AP3B1: variants seen among roughly 807,000 people sequenced by gnomAD.
The protein encoded by AP3B1 is AP-3 complex subunit beta-1.
A neutral mutation model predicts 132.5 loss-of-function variants in AP3B1; 61 were observed. That is an observed-to-expected ratio of 0.46 (90% CI 0.37 to 0.57). AP3B1 has a LOEUF of 0.57. Among genes scored for constraint, AP3B1 ranks in the 20% least tolerant of loss-of-function variants. AP3B1 has a pLI of 0.00. For missense variants in AP3B1, 1,120 were observed against 1,289.4 expected, an observed-to-expected ratio of 0.87 and a Z score of 2.01; for synonymous variants, 388 against 438.3, an observed-to-expected ratio of 0.89 and a Z score of 1.43.
At chr5:78,181,099 C>A (rs1340385566) in intron 8 of AP3B1, among the ~76,000 whole-genome samples, 2 of 151,982 alleles carry the variant, frequency 1.3e-5, no homozygotes, top group Non-Finnish European at 2.9e-5. Flanking sequence ...TACCCCCAAT[C>A]ACAATGGAAT....
At chr5:78,043,942 T>C (rs1748207379) in intron 22 of AP3B1, 1 of 324,368 alleles carries the variant, frequency 3.1e-6, no homozygotes, top group Non-Finnish European at 6.1e-6. Context: ...CTCTTTACCA[T>C]TGTCCAACTT....
At chr5:78,093,857 C>G (rs1311136111) in intron 21 of AP3B1, among the ~76,000 whole-genome samples, 1 of 152,194 alleles carries the variant, frequency 6.6e-6, no homozygotes, top group Admixed American at 6.5e-5. Flanking sequence ...GACAAAGCAG[C>G]TAAAGCATGG....
intron 3 of AP3B1, among the ~76,000 whole-genome samples, chr5:78,232,340 G>C (rs1746681332): frequency 6.6e-6 from 1 of 152,304 alleles, no homozygotes; most frequent in Admixed American, 6.5e-5. Context: ...GAATGAACAA[G>C]TTTTCTTGCT....
intron 19 of AP3B1, among the ~76,000 whole-genome samples, chr5:78,110,614 AAGTACTACC>A (rs1231673237): frequency 6.6e-6 from 1 of 152,090 alleles, no homozygotes; most frequent in African/African-American, 2.4e-5. Flanking sequence ...ACCAAGAATT[AAGTACTACC>A]AGTAACAACG....
At chr5:78,178,564 T>G (rs1744245101) in intron 8 of AP3B1, among the ~76,000 whole-genome samples, 1 of 152,112 alleles carries the variant, frequency 6.6e-6, no homozygotes, top group Non-Finnish European at 1.5e-5. Flanking sequence ...GAGGTTGCAG[T>G]GAGCCGAGAT....
At chr5:78,178,488 G>A (rs1331478107) in intron 8 of AP3B1, among the ~76,000 whole-genome samples, 1 of 152,098 alleles carries the variant, frequency 6.6e-6, no homozygotes, top group Non-Finnish European at 1.5e-5. Flanking sequence ...TAAGCGTGGT[G>A]GTGCACACCT....
rs188437870 is a variant in AP3B1, at chr5:78,146,468, C to T, written c.1474-5149G>A. Among the ~76,000 whole-genome samples the T allele has an allele frequency of 1.0e-3, 155 of 152,262 alleles. 1 individual carries two copies. Among genetic ancestry groups the T allele is most frequent in the Middle Eastern group, 3.4e-3 (1 of 294 alleles). ...CAAATGTGTGCTGTAGAATTCCATA[C>T]AGCTTTCTTGTATTTTAATTTCTTT... On this transcript the variant is annotated intron_variant, in intron 14 of 26. Coordinates refer to ENST00000255194, the MANE Select transcript of AP3B1 (RefSeq NM_003664.5).
In AP3B1 at chr5:78,003,048, C is replaced by T; in HGVS notation, c.3139G>A (p.Ala1047Thr). The T allele has an allele frequency of 6.2e-7, 1 of 1,614,140 alleles. No homozygotes were observed. The highest frequency in any genetic ancestry group is 8.5e-7 in the Non-Finnish European group (1 of 1,180,020). Residue 1047 changes from alanine (A) to threonine (T), a missense_variant, in exon 27 of 27, where the codon GCT becomes ACT. Coordinates refer to ENST00000255194, the MANE Select transcript of AP3B1 (RefSeq NM_003664.5). ...AATGACCCACTGTGCACAGTTTTAG[C>T]TGCAAACCTGGAAGAGAAAAAAGAG... ...SGQDNIHRFA[A>T]KTVHSGSLML...
intron 21 of AP3B1, among the ~76,000 whole-genome samples, chr5:78,097,174 T>C (rs1382583042): frequency 4.4e-4 from 42 of 96,244 alleles, no homozygotes; most frequent in Middle Eastern, 0.02. Flanking sequence ...TCTGCCCAGC[T>C]GCCCCTACTG....
chr5:78,280,776 C>A (rs1749015481), intron 1 of AP3B1, among the ~76,000 whole-genome samples: 1 of 152,142 alleles, frequency 6.6e-6, no homozygotes, highest in African/African-American at 2.4e-5. Context: ...ATTCAGGAAA[C>A]CAATATGCAA....
At chr5:78,071,159 A>G (rs965402072) in intron 22 of AP3B1, among the ~76,000 whole-genome samples, 1 of 152,234 alleles carries the variant, frequency 6.6e-6, no homozygotes, top group African/African-American at 2.4e-5. Flanking sequence ...GAATCAACCC[A>G]AATGCCCATC....
intron 6 of AP3B1, among the ~76,000 whole-genome samples, chr5:78,224,025 GGTACTT>G (rs1279259330): frequency 6.6e-6 from 1 of 151,902 alleles, no homozygotes; most frequent in East Asian, 1.9e-4. Flanking sequence ...TACTCTCCAT[GGTACTT>G]AGCCAATCTC....
chr5:78,286,053 C>T (rs1450073755), intron 1 of AP3B1, among the ~76,000 whole-genome samples: 1 of 151,916 alleles, frequency 6.6e-6, no homozygotes, highest in Non-Finnish European at 1.5e-5. Context: ...AATCAAAGAC[C>T]TTAACAATGA....
intron 3 of AP3B1, among the ~76,000 whole-genome samples, chr5:78,228,953 GAC>G (rs1299682378): frequency 3.3e-5 from 5 of 152,092 alleles, no homozygotes; most frequent in African/African-American, 1.2e-4. Flanking sequence ...TTTTTTCTGA[GAC>G]ACAGTCTTGC....
At chr5:78,106,048 T>C (rs1208913181) in intron 20 of AP3B1, among the ~76,000 whole-genome samples, 1 of 152,224 alleles carries the variant, frequency 6.6e-6, no homozygotes, top group Non-Finnish European at 1.5e-5. Flanking sequence ...TGAGGCCACT[T>C]TCTCCCTAGC....
intron 1 of AP3B1, among the ~76,000 whole-genome samples, chr5:78,279,281 T>C (rs930933242): frequency 1.3e-5 from 2 of 152,192 alleles, no homozygotes; most frequent in Non-Finnish European, 2.9e-5. Context: ...TTATAACATA[T>C]TATTAACTTA....
At chr5:78,284,366 T>G (rs904562752) in intron 1 of AP3B1, among the ~76,000 whole-genome samples, 2 of 152,218 alleles carry the variant, frequency 1.3e-5, no homozygotes, top group Non-Finnish European at 2.9e-5. Context: ...GGTTATTCTA[T>G]TTATGTAGGT....
intron 17 of AP3B1, among the ~76,000 whole-genome samples, chr5:78,126,504 CAAAAAAAAAAAA>C (rs70997969): frequency 2.1e-4 from 13 of 62,384 alleles, no homozygotes; most frequent in African/African-American, 5.5e-4. Flanking sequence ...GACTCTGTCT[CAAAAAAAAAAAA>C]AAAAAAAAAA....
At chr5:78,190,901 CT>C in intron 7 of AP3B1, among the ~76,000 whole-genome samples, 1 of 152,226 alleles carries the variant, frequency 6.6e-6, no homozygotes, top group African/African-American at 2.4e-5. Context: ...AGTTTCCCCC[CT>C]AAAATTATCC....
Sources: allele counts gnomAD v4.1 joint callset (sites outside exome capture counted in the v4.1 genomes callset), GRCh38; gene constraint gnomAD v4.1.1; transcripts MANE v1.5; gene names NCBI Gene and HGNC (gene_info 2026-07-23, HGNC 2026-07-21).